The following IFRD1 variants were observed in gnomAD, a reference collection of about 807,000 sequenced individuals.
IFRD1 encodes interferon related developmental regulator 1.
A neutral mutation model predicts 52.9 loss-of-function variants in IFRD1; 35 were observed. The ratio of observed to expected loss-of-function variants is 0.66; its 90% CI spans 0.51 to 0.88. The LOEUF (loss-of-function observed/expected upper bound fraction) is 0.88, where lower values mean the gene tolerates loss of function less well. IFRD1 is among the 40% of genes least tolerant of loss of function. The pLI is 0.00. For synonymous variants in IFRD1, 184 were observed against 188.4 expected (o/e 0.98, Z 0.19); for missense variants, 517 against 550.8 (o/e 0.94, Z 0.61).
intron 8 of IFRD1, among the ~76,000 whole-genome samples, chr7:112,462,942 A>G (rs1449983307): frequency 6.6e-6 from 1 of 152,210 alleles, no homozygotes; most frequent in Non-Finnish European, 1.5e-5. Flanking sequence ...TAGTTTGATC[A>G]GTCGACCCAA....
At chr7:112,442,125 A>G (rs935208432) in intron 1 of IFRD1, among the ~76,000 whole-genome samples, 10 of 152,290 alleles carry the variant, frequency 6.6e-5, no homozygotes, top group Admixed American at 2.6e-4. Context: ...GTCTGTCTGG[A>G]TCTAAAACTC....
intron 1 of IFRD1, among the ~76,000 whole-genome samples, chr7:112,435,955 T>G (rs1048822703): frequency 3.3e-5 from 5 of 151,826 alleles, no homozygotes; most frequent in Admixed American, 6.6e-5. Context: ...TGATCTCAGC[T>G]CACTGCAACC....
chr7:112,451,819 G>C (rs755513327), intron 1 of IFRD1, among the ~76,000 whole-genome samples: 3 of 152,094 alleles, frequency 2.0e-5, no homozygotes, highest in Non-Finnish European at 2.9e-5. Flanking sequence ...TATCACACTG[G>C]AACTATTAGC....
At chr7:112,465,276 T>C (rs1448287443) in intron 8 of IFRD1, among the ~76,000 whole-genome samples, 1 of 152,228 alleles carries the variant, frequency 6.6e-6, no homozygotes, top group Non-Finnish European at 1.5e-5. Context: ...CAGCTTATTT[T>C]GTTTATAATG....
At chr7:112,453,205 A>T (rs549636247) in intron 1 of IFRD1, among the ~76,000 whole-genome samples, 2 of 152,024 alleles carry the variant, frequency 1.3e-5, no homozygotes, top group African/African-American at 4.8e-5. Context: ...TATTTTTTTT[A>T]TGTTAGTGGA....
chr7:112,465,654 A>G (rs558608970), intron 8 of IFRD1, among the ~76,000 whole-genome samples: 1 of 152,256 alleles, frequency 6.6e-6, no homozygotes, highest in South Asian at 2.1e-4. Flanking sequence ...GTGGGTGGTA[A>G]TAACTGTTAT....
chr7:112,432,586 C>T (rs1794572070), intron 1 of IFRD1, among the ~76,000 whole-genome samples: 1 of 152,152 alleles, frequency 6.6e-6, no homozygotes, highest in South Asian at 2.1e-4. Context: ...GTATGACTAT[C>T]CCCATTTTAC....
At chr7:112,443,656 G>A (rs117085056) in intron 1 of IFRD1, among the ~76,000 whole-genome samples, 1,741 of 152,066 alleles carry the variant, frequency 0.011, 16 homozygotes, top group Non-Finnish European at 0.019. Context: ...TGGACCACTT[G>A]TCAGGAGTTC....
chr7:112,459,306 T>C (rs1243070205), intron 5 of IFRD1, among the ~76,000 whole-genome samples: 2 of 152,204 alleles, frequency 1.3e-5, no homozygotes, highest in Non-Finnish European at 2.9e-5. Flanking sequence ...CTTCTAATTT[T>C]GGGGTTTGAG....
rs73428453 is a variant in IFRD1 at position 112,439,905 on chromosome 7, T to C, written c.-181-10603T>C. On this transcript the variant is annotated intron_variant, in intron 1 of 12. Transcript: ENST00000005558. ...AAGGAGGTTGGATATCTGAACAAAA[T>C]TGGGGTTCTGAGAATAAGCAAGAGA... is the stretch of plus-strand genomic sequence containing the variant. Among the ~76,000 whole-genome samples, 1,146 of 152,172 alleles carry C rather than the reference T, an allele frequency of 7.5e-3. 9 individuals carry two copies. Among genetic ancestry groups the C allele is most frequent in the African/African-American group, 0.026 (1,067 of 41,510 alleles).
intron 1 of IFRD1, chr7:112,452,025 G>A: frequency 1.0e-6 from 1 of 982,372 alleles, no homozygotes; most frequent in South Asian, 4.7e-5. Flanking sequence ...TCTTAAAACA[G>A]CAATTTTTTA....
At position 112,458,992 on chromosome 7, in the gene IFRD1, T is replaced by A. The variant is rs745957278; in HGVS notation, c.541T>A (p.Ser181Thr). ...PILKKIICDG[S>T]ASMQARQTCA... is the part of the protein sequence containing the mutation. ...CCTAAAGAAAATCATTTGTGATGGG[T>A]CAGCTAGTATGCAGGCTAGGCAAAC... Residue 181 changes from serine to threonine, a missense_variant, in exon 5 of 12, where the codon TCA (serine) becomes ACA (threonine). By Grantham distance (58) the Ser-to-Thr change is moderately conservative. Transcript: ENST00000403825. 6.2e-7 allele frequency: 1 copy of A among 1,613,830 alleles called. No individual in the cohort carries two copies. The highest frequency in any genetic ancestry group is 8.5e-7 in the Non-Finnish European group (1 of 1,179,868).
intron 4 of IFRD1, 116 bp downstream of exon 4, chr7:112,457,154 T>A (rs1795315880): frequency 9.0e-7 from 1 of 1,107,770 alleles, no homozygotes; most frequent in Admixed American, 1.8e-5. Flanking sequence ...AATTTTCTAA[T>A]AGTCAAGGAG....
intron 8 of IFRD1, chr7:112,467,474 C>A: frequency 6.0e-6 from 1 of 167,882 alleles, no homozygotes; most frequent in Non-Finnish European, 1.3e-5. Flanking sequence ...GGGATTAAAA[C>A]TTGTTCTTAC....
intron 1 of IFRD1, among the ~76,000 whole-genome samples, chr7:112,429,189 G>A (rs1794494281): frequency 6.6e-6 from 1 of 152,142 alleles, no homozygotes; most frequent in African/African-American, 2.4e-5. Flanking sequence ...TATCCCAATT[G>A]TGGCTTTTTC....
rs1275211979 is a variant in IFRD1, at chr7:112,476,208, TAGA to T, written c.*694_*696del. ...CACACTGAAAGTGCTTCTCTTCTAA[TAGA>T]AGAAATATTATTTATGGCTTTGAGG... On this transcript the variant is annotated 3_prime_UTR_variant, in exon 12 of 12. Transcript: ENST00000403825. 1.3e-5 allele frequency: 2 copies of T among 152,250 alleles called. No individual in the cohort carries two copies. The highest frequency in any genetic ancestry group is 4.8e-5 in the African/African-American group (2 of 41,454). The allele number at this position is 152,250 out of a possible 1,614,324, so 9.4% of individuals were successfully genotyped here. A position where few individuals can be genotyped will look rare whatever the true frequency, so the allele number is the denominator to read the frequency against.
intron 1 of IFRD1, among the ~76,000 whole-genome samples, chr7:112,425,921 C>T (rs752916901): frequency 6.6e-6 from 1 of 152,138 alleles, no homozygotes; most frequent in Admixed American, 6.5e-5. Context: ...TTCACTTGTT[C>T]GCTGCCCAAA....
At chr7:112,434,948 C>T (rs995990445) in intron 1 of IFRD1, among the ~76,000 whole-genome samples, 1 of 152,198 alleles carries the variant, frequency 6.6e-6, no homozygotes, top group African/African-American at 2.4e-5. Flanking sequence ...TGGTTACTGA[C>T]AAATACATTT....
intron 9 of IFRD1, among the ~76,000 whole-genome samples, chr7:112,470,450 A>G (rs1178370225): frequency 1.3e-5 from 2 of 152,204 alleles, no homozygotes; most frequent in Non-Finnish European, 2.9e-5. Flanking sequence ...GAAGTGATTA[A>G]GTGAAGGTGG....
Sources: gnomAD v4.1 joint callset for allele counts (sites outside exome capture counted in the v4.1 genomes callset) on GRCh38, gnomAD v4.1.1 for gene constraint, MANE v1.5 for transcripts, NCBI Gene and HGNC (gene_info 2026-07-23, HGNC 2026-07-21) for gene names.